LRP1B: variants seen among roughly 807,000 people sequenced by gnomAD.
The protein encoded by LRP1B is low-density lipoprotein receptor-related protein 1B.
LRP1B carries 217 observed loss-of-function variants against 556.6 expected under a neutral mutation model. The observed-to-expected ratio is 0.39, with a 90% CI of 0.35 to 0.44. The LOEUF (loss-of-function observed/expected upper bound fraction) is 0.44, where lower values mean the gene tolerates loss of function less well. Ranked by LOEUF, LRP1B falls within the 20% of genes least tolerant of loss-of-function variation. The pLI is 1.00. For synonymous variants in LRP1B, 2,047 were observed against 1,865.8 expected (o/e 1.10, Z -2.50); for missense variants, 5,053 against 5,620.8 (o/e 0.90, Z 3.23).
chr2:141,409,631 T>C (rs894096476), intron 3 of LRP1B, among the ~76,000 whole-genome samples: 1 of 152,056 alleles, frequency 6.6e-6, no homozygotes, highest in East Asian at 1.9e-4. Flanking sequence ...GATACAGTAG[T>C]GCCAAAGAAA....
intron 3 of LRP1B, among the ~76,000 whole-genome samples, chr2:141,431,886 A>G (rs929557043): frequency 5.9e-5 from 9 of 152,192 alleles, no homozygotes; most frequent in Non-Finnish European, 2.9e-5. Flanking sequence ...TTTACTATAC[A>G]TAAGGTCATG....
chr2:141,003,363 CT>C (rs1697479558), intron 15 of LRP1B, among the ~76,000 whole-genome samples: 1 of 151,992 alleles, frequency 6.6e-6, no homozygotes, highest in Non-Finnish European at 1.5e-5. Flanking sequence ...AAGTAATTAG[CT>C]TAAAAGTCTA....
At chr2:141,576,155 A>G (rs1686733780) in intron 2 of LRP1B, among the ~76,000 whole-genome samples, 1 of 147,068 alleles carries the variant, frequency 6.8e-6, no homozygotes, top group Non-Finnish European at 1.5e-5. Context: ...TACCTTTATC[A>G]CAGTACTATT....
At chr2:141,314,206 G>A (rs1362075293) in intron 3 of LRP1B, among the ~76,000 whole-genome samples, 1 of 152,068 alleles carries the variant, frequency 6.6e-6, no homozygotes, top group Non-Finnish European at 1.5e-5. Context: ...TATGTCAGAG[G>A]CTACCTGGTA....
At chr2:140,715,097 C>T (rs368265677) in intron 37 of LRP1B, among the ~76,000 whole-genome samples, 1 of 151,700 alleles carries the variant, frequency 6.6e-6, no homozygotes, top group South Asian at 2.1e-4. Flanking sequence ...AAGAGAAGAC[C>T]AACAGAGATT....
intron 60 of LRP1B, among the ~76,000 whole-genome samples, chr2:140,459,611 G>A (rs76171993): frequency 6.6e-6 from 1 of 152,078 alleles, no homozygotes; most frequent in Non-Finnish European, 1.5e-5. Context: ...TAAGCACTTG[G>A]GTGCACAAGA....
chr2:141,245,554 C>A (rs1017725073), intron 5 of LRP1B, among the ~76,000 whole-genome samples: 1 of 152,138 alleles, frequency 6.6e-6, no homozygotes, highest in Non-Finnish European at 1.5e-5. Context: ...TGATATGAAA[C>A]TACCTTTGGA....
Position 140,526,318 on chromosome 2 carries a change from C to T in LRP1B, c.7795G>A (p.Ala2599Thr). Reference protein sequence around the residue: ...STCATVEFRCADGTCIPRSAR... With the variant: ...STCATVEFRCTDGTCIPRSAR... ...GATCTTGGAATACAAGTCCCATCTG[C>T]ACAGCGGAACTCAACCGTGGCACAG... Residue 2599 changes from alanine (A) to threonine (T), a missense_variant, in exon 48 of 91, where the codon GCA becomes ACA. Physicochemically the swap from Ala to Thr is moderately conservative, Grantham distance 58 (BLOSUM62 0). Around this residue, in one of 5 missense-constraint regions of LRP1B, gnomAD observed 3,619 missense variants for 3,931.9 expected, o/e 0.92. Coordinates refer to ENST00000389484, the MANE Select transcript of LRP1B (RefSeq NM_018557.3). 2 of 1,611,860 alleles carry T rather than the reference C, an allele frequency of 1.2e-6. No homozygotes were observed. The highest frequency in any genetic ancestry group is 1.1e-5 in the South Asian group (1 of 91,016).
At chr2:141,686,299 TTATTA>T (rs1479825232) in intron 2 of LRP1B, among the ~76,000 whole-genome samples, 5 of 151,938 alleles carry the variant, frequency 3.3e-5, no homozygotes, top group Non-Finnish European at 4.4e-5. Flanking sequence ...TGTAATGGGC[TTATTA>T]TATGAGATAT....
chr2:141,815,536 C>G (rs558361680), intron 1 of LRP1B, among the ~76,000 whole-genome samples: 15 of 152,086 alleles, frequency 9.9e-5, no homozygotes, highest in African/African-American at 3.1e-4. Context: ...AATCAGCACT[C>G]TATAAAATGC....
intron 2 of LRP1B, among the ~76,000 whole-genome samples, chr2:141,628,520 T>G (rs904396341): frequency 6.6e-6 from 1 of 152,172 alleles, no homozygotes; most frequent in Non-Finnish European, 1.5e-5. Flanking sequence ...TATGAAATTT[T>G]AAGAAACAGG....
chr2:141,824,496 C>G (rs1284104279), intron 1 of LRP1B, among the ~76,000 whole-genome samples: 1 of 152,122 alleles, frequency 6.6e-6, no homozygotes, highest in Non-Finnish European at 1.5e-5. Flanking sequence ...AGTAGAGTAG[C>G]TGGGACTACA....
At chr2:141,261,779 A>T (rs1162158470) in intron 3 of LRP1B, among the ~76,000 whole-genome samples, 1 of 152,108 alleles carries the variant, frequency 6.6e-6, no homozygotes, top group African/African-American at 2.4e-5. Context: ...CACTTTGTTC[A>T]TTCATTTCAC....
chr2:141,143,942 G>C (rs1460324999), intron 7 of LRP1B, among the ~76,000 whole-genome samples: 1 of 151,654 alleles, frequency 6.6e-6, no homozygotes, highest in African/African-American at 2.4e-5. Flanking sequence ...CAGGTCTTTT[G>C]CCTTCTCTTT....
At chr2:140,977,604 TTTTG>T (rs1244461887) in intron 18 of LRP1B, among the ~76,000 whole-genome samples, 1 of 152,152 alleles carries the variant, frequency 6.6e-6, no homozygotes, top group Non-Finnish European at 1.5e-5. Flanking sequence ...TTGCGTTTTT[TTTTG>T]TTGTTGTTCT....
At chr2:141,376,296 G>A (rs545048456) in intron 3 of LRP1B, among the ~76,000 whole-genome samples, 3 of 152,198 alleles carry the variant, frequency 2.0e-5, no homozygotes, top group Admixed American at 6.5e-5. Flanking sequence ...CTCCTATAGC[G>A]AAGATCATAA....
At chr2:140,539,187 C>T (rs1385835211) in intron 45 of LRP1B, among the ~76,000 whole-genome samples, 1 of 152,076 alleles carries the variant, frequency 6.6e-6, no homozygotes, top group African/African-American at 2.4e-5. Context: ...CCTCCTTTGC[C>T]CTCAGGTAGG....
rs1707832908 is a variant in LRP1B, at chr2:142,130,984, G to C, written c.-255C>G. 3 of 554,370 alleles carry C rather than the reference G, an allele frequency of 5.4e-6. No homozygotes were observed. The highest frequency in any genetic ancestry group is 9.8e-6 in the Non-Finnish European group (3 of 306,680). 34.3% of individuals were successfully genotyped at this position (554,370 alleles called of 1,614,324 possible). The stretch of plus-strand genomic sequence containing the variant: ...GTGTGTGAGCGCGAGCGAGACGCCC[G>C]TGTGTCTTGACTTTTCAATGCAGGG... On this transcript the variant is annotated 5_prime_UTR_variant, in exon 1 of 91. Coordinates refer to ENST00000389484, the MANE Select transcript of LRP1B (RefSeq NM_018557.3).
chr2:140,578,819 A>G (rs1444269304), intron 43 of LRP1B, among the ~76,000 whole-genome samples: 1 of 152,044 alleles, frequency 6.6e-6, no homozygotes, highest in Non-Finnish European at 1.5e-5. Flanking sequence ...TTACTACCTA[A>G]CTAGCATTTA....
Sources: allele counts gnomAD v4.1 joint callset (sites outside exome capture counted in the v4.1 genomes callset), GRCh38; gene constraint gnomAD v4.1.1; regional missense constraint gnomAD v4.1.1; transcripts MANE v1.5; gene names NCBI Gene and HGNC (gene_info 2026-07-23, HGNC 2026-07-21).